The following SMAD6 variants were observed in gnomAD, a reference collection of about 807,000 sequenced individuals.
SMAD6 encodes the protein SMAD family member 6.
In SMAD6, 103 loss-of-function variants were observed where a neutral mutation model predicts 39.4. The observed-to-expected ratio is 2.62, with a 90% CI of 2.23 to 3.08. The LOEUF (loss-of-function observed/expected upper bound fraction) is 3.08. Ranked by LOEUF, SMAD6 falls within the 30% of genes most tolerant of loss-of-function variation. SMAD6 has a pLI of 0.00. For synonymous variants in SMAD6, 445 were observed against 353.3 expected, an observed-to-expected ratio of 1.26 and a Z score of -2.91; for missense variants, 1,104 against 742.9, an observed-to-expected ratio of 1.49 and a Z score of -5.65.
At chr15:66,716,893 A>G in intron 3 of SMAD6, 1 of 939,800 alleles carries the variant, frequency 1.1e-6, no homozygotes, top group South Asian at 1.5e-5. Flanking sequence ...CAGGGGAGGG[A>G]CCAATGTGAA....
chr15:66,765,413 C>T (rs992640231), intron 3 of SMAD6, among the ~76,000 whole-genome samples: 5 of 152,118 alleles, frequency 3.3e-5, no homozygotes, highest in African/African-American at 4.8e-5. Flanking sequence ...TTAATAGAGA[C>T]GGGGTTTCAC....
At chr15:66,761,079 T>C (rs942613469) in intron 3 of SMAD6, among the ~76,000 whole-genome samples, 3 of 152,160 alleles carry the variant, frequency 2.0e-5, no homozygotes, top group Non-Finnish European at 4.4e-5. Context: ...CTTTAACCCT[T>C]TTATTTTTCA....
At chr15:66,737,658 G>T (rs1273047020) in intron 3 of SMAD6, among the ~76,000 whole-genome samples, 1 of 151,778 alleles carries the variant, frequency 6.6e-6, no homozygotes, top group Non-Finnish European at 1.5e-5. Context: ...TGGAGCCTAG[G>T]CCCTTTGCAG....
At chr15:66,729,500 C>T (rs1437747349) in intron 3 of SMAD6, among the ~76,000 whole-genome samples, 1 of 152,092 alleles carries the variant, frequency 6.6e-6, no homozygotes, top group Non-Finnish European at 1.5e-5. Context: ...CAAGATTGTC[C>T]CCAGGACACA....
intron 3 of SMAD6, among the ~76,000 whole-genome samples, chr15:66,779,514 C>T (rs1345129510): frequency 6.6e-5 from 10 of 152,202 alleles, no homozygotes; most frequent in Admixed American, 5.2e-4. Context: ...CAGGAGGCCC[C>T]TGAGGCAGAC....
intron 3 of SMAD6, among the ~76,000 whole-genome samples, chr15:66,752,345 G>A (rs921713836): frequency 6.6e-6 from 1 of 152,166 alleles, no homozygotes; most frequent in Non-Finnish European, 1.5e-5. Context: ...CAGGTTCAAG[G>A]CCAGGTCTTG....
At chr15:66,739,379 G>A (rs1186189087) in intron 3 of SMAD6, among the ~76,000 whole-genome samples, 2 of 152,134 alleles carry the variant, frequency 1.3e-5, no homozygotes, top group Admixed American at 6.5e-5. Context: ...GTGAGCCACC[G>A]TGCCTGGCCT....
chr15:66,722,561 A>G (rs1415310386), intron 3 of SMAD6, among the ~76,000 whole-genome samples: 1 of 152,172 alleles, frequency 6.6e-6, no homozygotes, highest in African/African-American at 2.4e-5. Flanking sequence ...GGCCAGCACC[A>G]CCCTGCCATT....
chr15:66,742,417 C>T (rs909183580), intron 3 of SMAD6, among the ~76,000 whole-genome samples: 1 of 152,088 alleles, frequency 6.6e-6, no homozygotes, highest in Non-Finnish European at 1.5e-5. Context: ...ACTTTCATTC[C>T]ACCTTGTCAA....
chr15:66,731,997 G>A (rs1419518443), intron 3 of SMAD6, among the ~76,000 whole-genome samples: 2 of 147,112 alleles, frequency 1.4e-5, no homozygotes, highest in African/African-American at 5.0e-5. Flanking sequence ...AGGCTAGAGT[G>A]CAGTGGTGTG....
Position 66,782,696 on chromosome 15 carries a change from A to G in SMAD6, c.*1161A>G, listed in dbSNP as rs1027379065. ...TATCATTAGATCAGCTTTCTGAAGA[A>G]TATTCTCAAAAAAAGAAAGTCTCCT... is the stretch of plus-strand genomic sequence containing the variant. On this transcript the variant is annotated 3_prime_UTR_variant, in exon 4 of 4. Coordinates refer to ENST00000288840, the MANE Select transcript of SMAD6 (RefSeq NM_005585.5). The G allele has an allele frequency of 6.6e-6, 1 of 152,256 alleles. No individual in the cohort carries two copies. Among genetic ancestry groups the G allele is most frequent in the Non-Finnish European group, 1.5e-5 (1 of 68,050 alleles). The allele number at this position is 152,256 out of a possible 1,614,324, so 9.4% of individuals were successfully genotyped here.
intron 3 of SMAD6, among the ~76,000 whole-genome samples, chr15:66,763,301 G>T (rs1204751155): frequency 6.6e-6 from 1 of 152,214 alleles, no homozygotes; most frequent in Non-Finnish European, 1.5e-5. Flanking sequence ...CCAGGACAGG[G>T]GCACCCTGGG....
At chr15:66,709,078 G>A (rs1674345085) in intron 1 of SMAD6, among the ~76,000 whole-genome samples, 2 of 152,192 alleles carry the variant, frequency 1.3e-5, no homozygotes, top group African/African-American at 2.4e-5. Context: ...AGAAGGAATT[G>A]AGTTGGGTGA....
At chr15:66,708,405 G>A (rs1893162326) in intron 1 of SMAD6, 2 of 207,484 alleles carry the variant, frequency 9.6e-6, no homozygotes, top group South Asian at 1.6e-4. Context: ...GTAATGCCCT[G>A]GGGCTCCACC....
Position 66,781,115 on chromosome 15 carries a change from C to A in SMAD6, c.1071C>A (p.Phe357Leu), listed in dbSNP as rs769728796. The change falls in exon 4 of 4, where the codon TTC becomes TTA. Residue 357 changes from phenylalanine (F) to leucine (L), a missense_variant. Transcript: ENST00000288840. ...TGTACGACCAGGCCGTCAGCATCTT[C>A]TACGACCTACCTCAGGGCAGCGGCT... is the stretch of plus-strand genomic sequence containing the variant. ...YAVYDQAVSI[F>L]YDLPQGSGFC... is the part of the protein sequence containing the mutation. The A allele has an allele frequency of 6.2e-7, 1 of 1,609,002 alleles. No homozygotes were observed. The highest frequency in any genetic ancestry group is 8.5e-7 in the Non-Finnish European group (1 of 1,179,732).
intron 3 of SMAD6, among the ~76,000 whole-genome samples, chr15:66,722,730 T>A (rs1181114534): frequency 6.6e-6 from 1 of 151,810 alleles, no homozygotes; most frequent in African/African-American, 2.4e-5. Context: ...CTGAGTATCT[T>A]ACAGAAGGAC....
chr15:66,741,785 C>T (rs1049196314), intron 3 of SMAD6, among the ~76,000 whole-genome samples: 1 of 152,198 alleles, frequency 6.6e-6, no homozygotes, highest in African/African-American at 2.4e-5. Context: ...GTCACCACTC[C>T]CTCACTCAAA....
In SMAD6 at chr15:66,781,112, C is replaced by T. The variant is rs1215864878; in HGVS notation, c.1068C>T (p.Ile356=). ...LYAVYDQAVS[I]FYDLPQGSGF... ...CGGTGTACGACCAGGCCGTCAGCAT[C>T]TTCTACGACCTACCTCAGGGCAGCG... The change falls in exon 4 of 4, where the codon ATC becomes ATT. Residue 356 remains isoleucine (I), a synonymous_variant. Transcript: ENST00000288840. The T allele has an allele frequency of 1.4e-5, 23 of 1,608,828 alleles. 1 individual carries two copies. The highest frequency in any genetic ancestry group is 1.9e-5 in the Non-Finnish European group (23 of 1,179,706).
At position 66,704,003 on chromosome 15, in the gene SMAD6, A is replaced by G. The variant is rs1433044890; in HGVS notation, c.745A>G (p.Ser249Gly). Reference protein sequence around the residue: ...VELKPLCGCHSFAAAADGPTV... With the variant: ...VELKPLCGCHGFAAAADGPTV... The stretch of plus-strand genomic sequence containing the variant: ...GCTGAAGCCCCTGTGCGGCTGCCAC[A>G]GCTTCGCCGCCGCCGCCGACGGCCC... The change falls in exon 1 of 4, where the codon AGC (serine) becomes GGC (glycine). Residue 249 changes from serine (S) to glycine (G), a missense_variant. By Grantham distance (56) the Ser-to-Gly change is moderately conservative (BLOSUM62 0). Coordinates refer to ENST00000288840, the MANE Select transcript of SMAD6 (RefSeq NM_005585.5). The G allele has an allele frequency of 2.7e-6, 4 of 1,493,762 alleles. No homozygotes were observed. Among genetic ancestry groups the G allele is most frequent in the East Asian group, 2.9e-5 (1 of 34,538 alleles). The allele number at this position is 1,493,762 out of a possible 1,614,324, so 92.5% of individuals were successfully genotyped here.
Sources: allele counts gnomAD v4.1 joint callset (sites outside exome capture counted in the v4.1 genomes callset), GRCh38; gene constraint gnomAD v4.1.1; transcripts MANE v1.5; gene names NCBI Gene and HGNC (gene_info 2026-07-23, HGNC 2026-07-21).